Variants in ZNF844 observed in about 807,000 individuals in gnomAD.
The protein encoded by ZNF844 is zinc finger protein 844.
ZNF844 carries 11 observed loss-of-function variants against 11.4 expected under a neutral mutation model. That is an observed-to-expected ratio of 0.97 (90% CI 0.61 to 1.60). The LOEUF (loss-of-function observed/expected upper bound fraction) is 1.60, where lower values mean the gene tolerates loss of function less well. Ranked by LOEUF, ZNF844 falls within the 40% of genes most tolerant of loss-of-function variation. The pLI, the probability that ZNF844 is intolerant of heterozygous loss-of-function variation, is 0.00. For synonymous variants in ZNF844, 248 were observed against 260.3 expected (o/e 0.95, Z 0.46); for missense variants, 790 against 796.8 (o/e 0.99, Z 0.10).
At position 12,075,946 on chromosome 19, in the gene ZNF844, A is replaced by T. The variant is rs7259845; in HGVS notation, c.826A>T (p.Thr276Ser). 2 of 1,598,586 alleles carry T rather than the reference A, an allele frequency of 1.3e-6. No individual in the cohort carries two copies. The highest frequency in any genetic ancestry group is 2.7e-5 in the African/African-American group (2 of 73,798). ...CCTTTATGAACATAGAAGAACTCAC[A>T]CTGGAGAGAAGCCATATGAATGCAA... ...NSLYEHRRTH[T>S]GEKPYECKQC... is the part of the protein sequence containing the mutation. The change falls in exon 4 of 4, where the codon ACT becomes TCT. Residue 276 changes from threonine (T) to serine (S), a missense_variant. Transcript: ENST00000439326.
Position 12,075,708 on chromosome 19 carries a change from T to C in ZNF844, c.588T>C (p.Thr196=), listed in dbSNP as rs756477646. 82 of 1,613,720 alleles carry C rather than the reference T, an allele frequency of 5.1e-5. No homozygotes were observed. Among genetic ancestry groups the C allele is most frequent in the Non-Finnish European group, 6.1e-5 (72 of 1,179,948 alleles). The change falls in exon 4 of 4, where the codon ACT becomes ACC. Residue 196 remains threonine, a synonymous_variant. Transcript: ENST00000439326. Reference sequence around the variant, plus strand: ...TGATAATGCACAATGGAGATGGAACTTATAAATGTAAGTTTTGTGGGAAAG... The same window carrying C: ...TGATAATGCACAATGGAGATGGAACCTATAAATGTAAGTTTTGTGGGAAAG... The part of the protein sequence containing the change: ...RHMIMHNGDG[T]YKCKFCGKAC...
rs1975710540 is a variant in ZNF844, at chr19:12,067,959, A to AGGAAGGAAG, written c.3+3084_3+3085insGAAGGAAGG. On this transcript the variant is annotated intron_variant, in intron 1 of 3. Coordinates refer to ENST00000439326, the MANE Select transcript of ZNF844 (RefSeq NM_001136501.3). Reference sequence around the variant, plus strand: ...AAGAAAGAAAGAAGGAAAGAAGGAAAGAAGGAAGGAAGGAAGGAAGGAAGG... The same window carrying AGGAAGGAAG: ...AAGAAAGAAAGAAGGAAAGAAGGAAAGGAAGGAAGGAAGGAAGGAAGGAAGGAAGGAAGG... Among the ~76,000 whole-genome samples, 8 of 68,100 alleles carry AGGAAGGAAG rather than the reference A, an allele frequency of 1.2e-4. 1 individual carries two copies. The highest frequency in any genetic ancestry group is 1.6e-4 in the Admixed American group (1 of 6,338). 44.7% of individuals were successfully genotyped at this position (68,100 alleles called of 152,430 possible).
intron 1 of ZNF844, 59 bp from the exon 2 acceptor site, chr19:12,073,972 A>G: frequency 6.4e-7 from 1 of 1,570,392 alleles, no homozygotes; most frequent in Non-Finnish European, 8.6e-7. Context: ...GGAAGAGGGT[A>G]TAGACCCCCA....
At chr19:12,067,318 A>G (rs1975700347) in intron 1 of ZNF844, among the ~76,000 whole-genome samples, 1 of 152,120 alleles carries the variant, frequency 6.6e-6, no homozygotes, top group African/African-American at 2.4e-5. Context: ...TGTCTCAAAA[A>G]TAAGAAAATT....
intron 1 of ZNF844, among the ~76,000 whole-genome samples, chr19:12,070,610 A>G (rs1282270365): frequency 1.3e-5 from 2 of 152,216 alleles, no homozygotes; most frequent in African/African-American, 4.8e-5. Flanking sequence ...ACTTCTTATC[A>G]CTAATGCATT....
chr19:12,075,602 A>C lies in ZNF844; in HGVS notation c.482A>C (p.Lys161Thr). 1 of 1,613,772 alleles carries C rather than the reference A, an allele frequency of 6.2e-7. No homozygotes were observed. Among genetic ancestry groups the C allele is most frequent in the Non-Finnish European group, 8.5e-7 (1 of 1,179,916 alleles). ...RCHPSFQMQEKAHTGEKLYDC... is the reference protein window; with the variant it reads ...RCHPSFQMQETAHTGEKLYDC... ...CACCCCTCCTTTCAAATGCAAGAAA[A>C]GGCTCACACTGGAGAAAAACTCTAT... The change falls in exon 4 of 4, where the codon AAG becomes ACG. Residue 161 changes from lysine (K) to threonine (T), a missense_variant. Lys to Thr is a moderately conservative substitution (Grantham distance 78). Coordinates refer to ENST00000439326, the MANE Select transcript of ZNF844 (RefSeq NM_001136501.3).
Position 12,080,204 on chromosome 19 carries a change from G to T in ZNF844, c.*3083G>T, listed in dbSNP as rs151308344. The T allele has an allele frequency of 1.2e-4, 24 of 195,310 alleles. No individual in the cohort carries two copies. In the East Asian group the frequency reaches 4.1e-3, roughly 33 times the overall value. The allele number at this position is 195,310 out of a possible 1,614,324, so 12.1% of individuals were successfully genotyped here. A position where few individuals can be genotyped will look rare whatever the true frequency, so the allele number is the denominator to read the frequency against. ...TCTACTAAAAAATACAAAAAAACTA[G>T]CTGGGCGTGGTGGTGGGCGCCTGTA... On this transcript the variant is annotated 3_prime_UTR_variant, in exon 4 of 4. Transcript: ENST00000439326.
Position 12,076,217 on chromosome 19 carries a change from G to T in ZNF844, c.1097G>T (p.Cys366Phe). 6.3e-7 allele frequency: 1 copy of T among 1,598,484 alleles called. No homozygotes were observed. Among genetic ancestry groups the T allele is most frequent in the Non-Finnish European group, 8.5e-7 (1 of 1,172,412 alleles). Reference sequence around the variant, plus strand: ...CACACTAGAATGAGACCTTATAAATGTAAGACTGTGGAAAAGCCTTTGATT... The same window carrying T: ...CACACTAGAATGAGACCTTATAAATTTAAGACTGTGGAAAAGCCTTTGATT... ...KMHTRMRPYKCKTVEKPLILP... is the reference protein window; with the variant it reads ...KMHTRMRPYKFKTVEKPLILP... The change falls in exon 4 of 4, where the codon TGT (cysteine) becomes TTT (phenylalanine). Residue 366 changes from cysteine to phenylalanine, a missense_variant. Cys to Phe is a radical substitution (Grantham distance 205). Coordinates refer to ENST00000439326, the MANE Select transcript of ZNF844 (RefSeq NM_001136501.3).
chr19:12,074,251 C>T, intron 2 of ZNF844, 94 bp downstream of exon 2: 1 of 1,563,990 alleles, frequency 6.4e-7, no homozygotes, highest in South Asian at 1.1e-5. Flanking sequence ...ACAGGCAATA[C>T]TTTGATGAAT....
intron 1 of ZNF844, among the ~76,000 whole-genome samples, chr19:12,068,347 G>C (rs556529410): frequency 1.3e-5 from 2 of 152,124 alleles, no homozygotes; most frequent in Non-Finnish European, 2.9e-5. Flanking sequence ...ATGGTTAAAG[G>C]CTGGGTGCGG....
chr19:12,070,577 A>G (rs909170318), intron 1 of ZNF844, among the ~76,000 whole-genome samples: 1 of 152,230 alleles, frequency 6.6e-6, no homozygotes, highest in Non-Finnish European at 1.5e-5. Context: ...CAAGAAATCC[A>G]TCTTCCTCCC....
rs774260288 is a variant in ZNF844, at chr19:12,075,632, G to T, written c.512G>T (p.Cys171Phe). 5 of 1,612,528 alleles carry T rather than the reference G, an allele frequency of 3.1e-6. No homozygotes were observed. In the African/African-American group the frequency reaches 6.7e-5, roughly 22 times the overall value. ...CACACTGGAGAAAAACTCTATGATT[G>T]TAAAGAATGTGGAAAAACCTTCATA... The part of the protein sequence containing the change: ...KAHTGEKLYD[C>F]KECGKTFISH... The change falls in exon 4 of 4, where the codon TGT (cysteine) becomes TTT (phenylalanine). Residue 171 changes from cysteine to phenylalanine, a missense_variant. Cys to Phe is a radical substitution (Grantham distance 205). Around this residue, in one of 3 missense-constraint regions of ZNF844, gnomAD observed 657 missense variants for 636.2 expected, o/e 1.03. Transcript: ENST00000439326.
chr19:12,066,621 A>G (rs956647263), intron 1 of ZNF844, among the ~76,000 whole-genome samples: 1 of 136,480 alleles, frequency 7.3e-6, no homozygotes, highest in African/African-American at 2.8e-5. Context: ...ATCTCGGCTC[A>G]CTGCAAGCTC....
chr19:12,068,398 C>T (rs1162676931), intron 1 of ZNF844, among the ~76,000 whole-genome samples: 3 of 152,066 alleles, frequency 2.0e-5, no homozygotes, highest in East Asian at 1.9e-4. Flanking sequence ...GAGGCTGAGG[C>T]GGGCAGATCA....
At chr19:12,068,656 T>C (rs931056150) in intron 1 of ZNF844, among the ~76,000 whole-genome samples, 2 of 152,086 alleles carry the variant, frequency 1.3e-5, no homozygotes, top group African/African-American at 4.8e-5. Flanking sequence ...AATAAAATAA[T>C]TTAAAGTTCT....
At position 12,079,024 on chromosome 19, in the gene ZNF844, ATTTT is replaced by A. The variant is rs921511063; in HGVS notation, c.*1905_*1908del. ...GCCACCACGCCCAGCTAATTTTTGT[ATTTT>A]TAGTAGAGACGGGGCTTCACTATGT... On this transcript the variant is annotated 3_prime_UTR_variant, in exon 4 of 4. Transcript: ENST00000439326. 4 of 151,886 alleles carry A rather than the reference ATTTT, an allele frequency of 2.6e-5. No homozygotes were observed. The highest frequency in any genetic ancestry group is 4.4e-5 in the Non-Finnish European group (3 of 67,996). 9.4% of individuals were successfully genotyped at this position (151,886 alleles called of 1,614,324 possible). A position where few individuals can be genotyped will look rare whatever the true frequency, so the allele number is the denominator to read the frequency against.
intron 1 of ZNF844, among the ~76,000 whole-genome samples, chr19:12,066,093 T>G (rs1255423171): frequency 6.6e-6 from 1 of 151,688 alleles, no homozygotes. Context: ...AGGCGGCTAA[T>G]TTTTGTATTT....
At position 12,077,588 on chromosome 19, in the gene ZNF844, T is replaced by TCAACTTCAGATG; in HGVS notation, c.*470_*481dup. Reference sequence around the variant, plus strand: ...GTGGTAAAGCCTTCAGATCTGCCACTCAACTTCAGATGCATAGAAAGATTC... The same window carrying TCAACTTCAGATG: ...GTGGTAAAGCCTTCAGATCTGCCACTCAACTTCAGATGCAACTTCAGATGCATAGAAAGATTC... On this transcript the variant is annotated 3_prime_UTR_variant, in exon 4 of 4. Transcript: ENST00000439326. The TCAACTTCAGATG allele has an allele frequency of 1.7e-6, 1 of 573,884 alleles. No homozygotes were observed. The highest frequency in any genetic ancestry group is 1.4e-5 in the South Asian group (1 of 72,134). 35.5% of individuals were successfully genotyped at this position (573,884 alleles called of 1,614,324 possible).
intron 1 of ZNF844, among the ~76,000 whole-genome samples, chr19:12,065,216 T>G (rs1975674690): frequency 6.6e-6 from 1 of 152,056 alleles, no homozygotes; most frequent in Non-Finnish European, 1.5e-5. Context: ...CCGCCTTGGG[T>G]GTGGGGCTCG....
Sources: gnomAD v4.1 joint callset for allele counts (sites outside exome capture counted in the v4.1 genomes callset) on GRCh38, gnomAD v4.1.1 for gene constraint, gnomAD v4.1.1 regional missense constraint, MANE v1.5 for transcripts, NCBI Gene and HGNC (gene_info 2026-07-23, HGNC 2026-07-21) for gene names.